Variants in ASIC2 observed in about 807,000 individuals in gnomAD.
ASIC2 encodes the protein acid-sensing ion channel 2.
In ASIC2, 25 loss-of-function variants were observed where a neutral mutation model predicts 57.3. The ratio of observed to expected loss-of-function variants is 0.44; its 90% CI spans 0.32 to 0.61. ASIC2 has a LOEUF of 0.61. ASIC2 is among the 20% of genes least tolerant of loss of function. The pLI, the probability that ASIC2 is intolerant of heterozygous loss-of-function variation, is 0.06. For synonymous variants in ASIC2, 319 were observed against 307.5 expected, an observed-to-expected ratio of 1.04 and a Z score of -0.39; for missense variants, 641 against 738.1, an observed-to-expected ratio of 0.87 and a Z score of 1.52.
At chr17:33,244,369 C>G (rs761563352) in intron 1 of ASIC2, among the ~76,000 whole-genome samples, 2 of 152,252 alleles carry the variant, frequency 1.3e-5, no homozygotes, top group African/African-American at 2.4e-5. Flanking sequence ...CTAGGAAGTG[C>G]GTGAAATCCT....
chr17:34,012,739 C>T (rs1036353538), intron 1 of ASIC2, among the ~76,000 whole-genome samples: 3 of 151,876 alleles, frequency 2.0e-5, no homozygotes, highest in Admixed American at 6.5e-5. Context: ...TCTAAATTCC[C>T]GGAGACTACC....
At chr17:34,134,461 G>C (rs778347941) in intron 1 of ASIC2, among the ~76,000 whole-genome samples, 1 of 152,148 alleles carries the variant, frequency 6.6e-6, no homozygotes, top group African/African-American at 2.4e-5. Flanking sequence ...TCCAGGTCAA[G>C]TCCCTGGCAA....
intron 1 of ASIC2, among the ~76,000 whole-genome samples, chr17:33,913,356 G>T (rs1760486383): frequency 6.6e-6 from 1 of 151,978 alleles, no homozygotes; most frequent in Non-Finnish European, 1.5e-5. Context: ...TGAAATTGTT[G>T]TGTCTATCCC....
At chr17:33,093,562 A>G (rs948849577) in intron 2 of ASIC2, among the ~76,000 whole-genome samples, 10 of 152,132 alleles carry the variant, frequency 6.6e-5, no homozygotes, top group African/African-American at 2.4e-4. Flanking sequence ...ATGAAAGATA[A>G]TGCTGAACCA....
intron 3 of ASIC2, among the ~76,000 whole-genome samples, chr17:33,058,371 A>AT (rs2092006044): frequency 6.9e-6 from 1 of 144,434 alleles, no homozygotes; most frequent in African/African-American, 2.6e-5. Context: ...ACGGATTGTT[A>AT]TTTTTTAGCA....
intron 1 of ASIC2, among the ~76,000 whole-genome samples, chr17:33,618,325 A>T (rs1037396207): frequency 6.6e-6 from 1 of 151,876 alleles, no homozygotes; most frequent in Non-Finnish European, 1.5e-5. Context: ...AGTAGCTGAG[A>T]CTATAATCAT....
chr17:33,540,190 G>A (rs1915363346), intron 1 of ASIC2, among the ~76,000 whole-genome samples: 1 of 152,098 alleles, frequency 6.6e-6, no homozygotes, highest in Admixed American at 6.6e-5. Context: ...GGTGTTCCTT[G>A]GGTTGTGGAT....
At chr17:33,786,435 G>A (rs920514267) in intron 1 of ASIC2, among the ~76,000 whole-genome samples, 2 of 152,048 alleles carry the variant, frequency 1.3e-5, no homozygotes, top group Non-Finnish European at 2.9e-5. Flanking sequence ...ACTGAAGGTG[G>A]CATTGGGGAC....
At chr17:34,147,323 A>C (rs2142140857) in intron 1 of ASIC2, among the ~76,000 whole-genome samples, 1 of 152,344 alleles carries the variant, frequency 6.6e-6, no homozygotes, top group Non-Finnish European at 1.5e-5. Context: ...ATCCAGGCAA[A>C]TACGTTGCTT....
intron 1 of ASIC2, among the ~76,000 whole-genome samples, chr17:33,223,635 C>T (rs921128451): frequency 2.0e-5 from 3 of 152,192 alleles, no homozygotes; most frequent in Non-Finnish European, 1.5e-5. Flanking sequence ...ATCTGACTGG[C>T]GCATTTAAAT....
At chr17:33,946,519 A>G (rs1057272699) in intron 1 of ASIC2, among the ~76,000 whole-genome samples, 4 of 152,216 alleles carry the variant, frequency 2.6e-5, no homozygotes, top group Non-Finnish European at 5.9e-5. Context: ...GATTCATTTA[A>G]CAATCAGTGA....
intron 1 of ASIC2, among the ~76,000 whole-genome samples, chr17:34,021,743 A>G (rs966296442): frequency 1.3e-5 from 2 of 152,046 alleles, no homozygotes; most frequent in African/African-American, 4.8e-5. Flanking sequence ...TCTTAAAAAT[A>G]CTGATGCCCA....
intron 1 of ASIC2, among the ~76,000 whole-genome samples, chr17:33,906,013 T>C (rs200528334): frequency 8.7e-6 from 1 of 115,412 alleles, no homozygotes; most frequent in African/African-American, 2.9e-5. Flanking sequence ...TTAATTAAAT[T>C]TTTTTTTTTT....
At chr17:33,810,757 T>C (rs1912394769) in intron 1 of ASIC2, among the ~76,000 whole-genome samples, 2 of 152,120 alleles carry the variant, frequency 1.3e-5, no homozygotes, top group Non-Finnish European at 2.9e-5. Flanking sequence ...AAAGGAAAGA[T>C]GAATGTTTTT....
intron 1 of ASIC2, among the ~76,000 whole-genome samples, chr17:33,380,736 A>C (rs1909458805): frequency 6.6e-6 from 1 of 152,182 alleles, no homozygotes; most frequent in Non-Finnish European, 1.5e-5. Context: ...CTTGAACTGC[A>C]GGAGGCCTGA....
intron 1 of ASIC2, among the ~76,000 whole-genome samples, chr17:33,120,399 G>T (rs2092297428): frequency 6.6e-6 from 1 of 152,186 alleles, no homozygotes; most frequent in Admixed American, 6.5e-5. Flanking sequence ...TCTGTCTGTT[G>T]GTTGGGAAAA....
rs569815057 is a variant in ASIC2, at chr17:33,834,262, T to C, written c.555+321716A>G. ...ACTCATCTAGGTAGGGGGAACTTCATAGCAGAGCCAGGGCAGGGAGTTTTA... is the reference window on the plus strand; with the variant it reads ...ACTCATCTAGGTAGGGGGAACTTCACAGCAGAGCCAGGGCAGGGAGTTTTA... On this transcript the variant is annotated intron_variant, in intron 1 of 9. Coordinates refer to the ASIC2 transcript ENST00000359872. The C allele has an allele frequency of 5.2e-5, 8 of 152,412 alleles. No homozygotes were observed. In the East Asian group the frequency reaches 1.5e-3, roughly 29 times the overall value. 9.4% of individuals were successfully genotyped at this position (152,412 alleles called of 1,614,324 possible).
At chr17:33,731,179 G>T (rs113053933) in intron 1 of ASIC2, among the ~76,000 whole-genome samples, 1 of 152,214 alleles carries the variant, frequency 6.6e-6, no homozygotes, top group Non-Finnish European at 1.5e-5. Context: ...GATGCTTCAG[G>T]TGTGGGGAAA....
At chr17:33,811,866 C>T (rs1022569319) in intron 1 of ASIC2, among the ~76,000 whole-genome samples, 2 of 152,162 alleles carry the variant, frequency 1.3e-5, no homozygotes, top group African/African-American at 4.8e-5. Context: ...TTTGCTCTGA[C>T]CTCCATGCTC....
Sources: gnomAD v4.1 joint callset for allele counts (sites outside exome capture counted in the v4.1 genomes callset) on GRCh38, gnomAD v4.1.1 for gene constraint, MANE v1.5 for transcripts, NCBI Gene and HGNC (gene_info 2026-07-23, HGNC 2026-07-21) for gene names.